The following EYA3 variants were observed in gnomAD, a reference collection of about 807,000 sequenced individuals.
EYA3 encodes the protein EYA transcriptional coactivator and phosphatase 3, also known as protein phosphatase EYA3.
In EYA3, 39 loss-of-function variants were observed where a neutral mutation model predicts 80.0. That is an observed-to-expected ratio of 0.49 (90% CI 0.38 to 0.64). The LOEUF (loss-of-function observed/expected upper bound fraction) is 0.64, where lower values mean the gene tolerates loss of function less well. Ranked by LOEUF, EYA3 falls within the 30% of genes least tolerant of loss-of-function variation. The pLI, the probability that EYA3 is intolerant of heterozygous loss-of-function variation, is 0.00. For missense variants in EYA3, 523 were observed against 676.1 expected (o/e 0.77, Z 2.51); for synonymous variants, 206 against 232.8 (o/e 0.88, Z 1.05).
intron 10 of EYA3, among the ~76,000 whole-genome samples, chr1:28,007,707 A>G (rs1641394785): frequency 6.6e-6 from 1 of 151,362 alleles, no homozygotes; most frequent in Admixed American, 6.6e-5. Context: ...ATAGCATCAA[A>G]AAGAAAATAC....
intron 13 of EYA3, among the ~76,000 whole-genome samples, chr1:27,996,538 C>A (rs1316154256): frequency 1.3e-5 from 2 of 152,202 alleles, no homozygotes; most frequent in African/African-American, 4.8e-5. Flanking sequence ...ACATGTACAA[C>A]TGGATGCTGT....
At chr1:28,003,021 C>T (rs1388098453) in intron 11 of EYA3, among the ~76,000 whole-genome samples, 1 of 150,850 alleles carries the variant, frequency 6.6e-6, no homozygotes, top group Non-Finnish European at 1.5e-5. Context: ...TTTTGGGAGG[C>T]CGAGGTGGGC....
intron 3 of EYA3, among the ~76,000 whole-genome samples, chr1:28,047,367 T>C (rs1026115172): frequency 6.6e-6 from 1 of 152,132 alleles, no homozygotes; most frequent in African/African-American, 2.4e-5. Context: ...ACTAAAGTTC[T>C]TTTTAAGGGG....
intron 16 of EYA3, among the ~76,000 whole-genome samples, chr1:27,981,034 C>A (rs971033473): frequency 6.6e-5 from 10 of 152,146 alleles, no homozygotes; most frequent in African/African-American, 1.9e-4. Context: ...CAGAGTGAGA[C>A]CCTGTCTCAA....
intron 1 of EYA3, among the ~76,000 whole-genome samples, chr1:28,079,052 CTTT>C (rs982290457): frequency 6.6e-6 from 1 of 152,216 alleles, no homozygotes; most frequent in African/African-American, 2.4e-5. Context: ...AAGTCTTCTT[CTTT>C]ATCCTTTACC....
rs1641020496 is a variant in EYA3, at chr1:28,003,277, AAC to A, written c.993+1057_993+1058del. ...ACAGCGAGACTCCGTCTCAAACAAC[AAC>A]AACAACAACAACAACAACAACAACA... On this transcript the variant is annotated intron_variant, in intron 11 of 17. Coordinates refer to ENST00000373871, the MANE Select transcript of EYA3 (RefSeq NM_001990.4). 5.3e-3 allele frequency among the ~76,000 whole-genome samples: 358 copies of A among 67,476 alleles called. 1 individual carries two copies. The highest frequency in any genetic ancestry group is 0.021 in the African/African-American group (329 of 15,710). The allele number at this position is 67,476 out of a possible 152,430, so 44.3% of individuals were successfully genotyped here.
chr1:28,046,834 AT>A (rs1335071226), intron 3 of EYA3, among the ~76,000 whole-genome samples: 1 of 108,556 alleles, frequency 9.2e-6, no homozygotes, highest in Non-Finnish European at 1.8e-5. Flanking sequence ...AGTTAAGTTT[AT>A]TTTTCTTTCT....
At chr1:28,066,421 C>T (rs1403106733) in intron 1 of EYA3, among the ~76,000 whole-genome samples, 1 of 150,060 alleles carries the variant, frequency 6.7e-6, no homozygotes, top group Non-Finnish European at 1.5e-5. Flanking sequence ...ATTAGAAATG[C>T]CAAAAAAAGA....
chr1:27,988,606 A>C lies in EYA3; in HGVS notation c.1469T>G (p.Leu490Arg). 2 of 1,614,186 alleles carry C rather than the reference A, an allele frequency of 1.2e-6. No individual in the cohort carries two copies. Among genetic ancestry groups the C allele is most frequent in the Non-Finnish European group, 8.5e-7 (1 of 1,180,012 alleles). ...TAGTCCATATAGGAGAACCTTGGCC[A>C]GGGCTGGAACCAGCTGGGTGGTAGT... The part of the protein sequence containing the change: ...LITTTQLVPA[L>R]AKVLLYGLGE... Residue 490 changes from leucine (L) to arginine (R), a missense_variant, in exon 16 of 18, where the codon CTG (leucine) becomes CGG (arginine). Leu to Arg is a moderately radical substitution (Grantham distance 102, BLOSUM62 -2). Coordinates refer to ENST00000373871, the MANE Select transcript of EYA3 (RefSeq NM_001990.4).
rs1219227354 is a variant in EYA3, at chr1:28,038,160, A to T, written c.224+679T>A. 3.3e-5 allele frequency among the ~76,000 whole-genome samples: 5 copies of T among 152,138 alleles called. No individual in the cohort carries two copies. The South Asian group carries it at 8.3e-4, about 25-fold the overall frequency. ...ATTCCTCAATCAAGAAACTGAACAC[A>T]GGCTGGGCGTGATGGCTCACGACTG... On this transcript the variant is annotated intron_variant, in intron 5 of 17. Coordinates refer to ENST00000373871, the MANE Select transcript of EYA3 (RefSeq NM_001990.4).
chr1:28,040,378 T>C (rs890055854), intron 4 of EYA3, among the ~76,000 whole-genome samples: 1 of 152,136 alleles, frequency 6.6e-6, no homozygotes, highest in Non-Finnish European at 1.5e-5. Context: ...TTTTTGAAGA[T>C]CTTAGGTATG....
intron 1 of EYA3, among the ~76,000 whole-genome samples, chr1:28,059,715 ATT>A (rs1224157714): frequency 0.027 from 3,061 of 113,570 alleles, 68 homozygotes; most frequent in African/African-American, 0.066. Flanking sequence ...CATTTGTTGG[ATT>A]TTTTTTTTTT....
chr1:27,980,871 C>A (rs1639255060), intron 16 of EYA3, among the ~76,000 whole-genome samples: 1 of 152,056 alleles, frequency 6.6e-6, no homozygotes, highest in Non-Finnish European at 1.5e-5. Flanking sequence ...GGACCTTTTC[C>A]CTACAAAAAA....
rs1295465390 is a variant in EYA3 at position 28,014,710 on chromosome 1, AG to A, written c.586-1417del. ...ACCACTGCATTCCAGACTGGGCAAC[AG>A]AGCAAGACTCTGTCTCAAAAAAAAA... On this transcript the variant is annotated intron_variant, in intron 8 of 17. Coordinates refer to ENST00000373871, the MANE Select transcript of EYA3 (RefSeq NM_001990.4). 4.0e-5 allele frequency among the ~76,000 whole-genome samples: 6 copies of A among 150,778 alleles called. No homozygotes were observed. In the Admixed American group the frequency reaches 4.0e-4, roughly 10 times the overall value.
In EYA3 at chr1:28,048,379, A is replaced by C. The variant is rs762322285; in HGVS notation, c.77+4T>G. 4 of 1,602,360 alleles carry C rather than the reference A, an allele frequency of 2.5e-6. No homozygotes were observed. The highest frequency in any genetic ancestry group is 3.4e-6 in the Non-Finnish European group (4 of 1,174,966). The stretch of plus-strand genomic sequence containing the variant: ...TCATTAAAAAGAAAGCAAACTTTAC[A>C]TACCTTATAGTTTGCTCTCCTGATT... On this transcript the variant is annotated splice_donor_region_variant and intron_variant, in intron 3 of 17. Coordinates refer to ENST00000373871, the MANE Select transcript of EYA3 (RefSeq NM_001990.4).
chr1:28,084,595 ATTTTTTTTTTTTTTT>A (rs869103612), intron 1 of EYA3, among the ~76,000 whole-genome samples: 11 of 15,224 alleles, frequency 7.2e-4, no homozygotes, highest in Admixed American at 2.5e-3. Context: ...ATATATATAT[ATTTTTTTTTTTTTTT>A]TTTTTTTTTT....
At chr1:28,043,817 G>A (rs1208415223) in intron 3 of EYA3, among the ~76,000 whole-genome samples, 2 of 152,170 alleles carry the variant, frequency 1.3e-5, no homozygotes, top group Non-Finnish European at 2.9e-5. Flanking sequence ...CTGCCTAGGC[G>A]ACACAGTGAG....
chr1:28,017,348 AT>A (rs1350064478), intron 7 of EYA3, 109 bp from the exon 8 acceptor site: 1 of 756,130 alleles, frequency 1.3e-6, no homozygotes, highest in African/African-American at 1.8e-5. Flanking sequence ...GATAAACAAC[AT>A]TGGCAAAGGA....
chr1:28,047,016 T>A (rs1644033031), intron 3 of EYA3, among the ~76,000 whole-genome samples: 1 of 151,982 alleles, frequency 6.6e-6, no homozygotes, highest in Middle Eastern at 3.4e-3. Flanking sequence ...TGGATAATTG[T>A]TTTTGTGTTT....
Sources: gnomAD v4.1 joint callset for allele counts (sites outside exome capture counted in the v4.1 genomes callset) on GRCh38, gnomAD v4.1.1 for gene constraint, MANE v1.5 for transcripts, NCBI Gene and HGNC (gene_info 2026-07-23, HGNC 2026-07-21) for gene names.